Variants in OR2L13 observed in about 807,000 individuals in gnomAD.
The protein encoded by OR2L13 is olfactory receptor family 2 subfamily L member 13, also known as olfactory receptor 2L13.
In OR2L13, 14 loss-of-function variants were observed where a neutral mutation model predicts 15.3. That is an observed-to-expected ratio of 0.91 (90% CI 0.60 to 1.43). The LOEUF (loss-of-function observed/expected upper bound fraction) is 1.43. OR2L13 is among the 40% of genes most tolerant of loss of function. The pLI, the probability that OR2L13 is intolerant of heterozygous loss-of-function variation, is 0.00. For missense variants in OR2L13, 367 were observed against 387.9 expected, an observed-to-expected ratio of 0.95 and a Z score of 0.45; for synonymous variants, 152 against 142.9, an observed-to-expected ratio of 1.06 and a Z score of -0.45.
chr1:247,968,335 AT>A, the OR2L13 span, among the ~76,000 whole-genome samples: 8 of 151,932 alleles, frequency 5.3e-5, no homozygotes, highest in African/African-American at 1.9e-4. Flanking sequence ...GGGACAAGAC[AT>A]TTTTATTTAT....
At chr1:248,008,039 C>T in the OR2L13 span, among the ~76,000 whole-genome samples, 1 of 152,060 alleles carries the variant, frequency 6.6e-6, no homozygotes. Flanking sequence ...AAAAGGTTAC[C>T]TAAGCTGTCT....
the OR2L13 span, among the ~76,000 whole-genome samples, chr1:247,979,512 T>C: frequency 6.6e-6 from 1 of 151,630 alleles, no homozygotes; most frequent in Admixed American, 6.5e-5. Context: ...TATAGCTGTA[T>C]AGTATTTCAT....
intron 1 of OR2L13, among the ~76,000 whole-genome samples, chr1:248,098,313 C>G (rs1357264460): frequency 6.6e-6 from 1 of 152,170 alleles, no homozygotes; most frequent in Non-Finnish European, 1.5e-5. Flanking sequence ...AACATAAATT[C>G]AGTGAACACT....
chr1:248,025,777 G>T, the OR2L13 span, among the ~76,000 whole-genome samples: 106 of 151,826 alleles, frequency 7.0e-4, 1 homozygote, highest in Middle Eastern at 0.014. Context: ...CCATAAAAAA[G>T]GATGAGTTCA....
chr1:248,009,710 C>T, the OR2L13 span, among the ~76,000 whole-genome samples: 1 of 152,024 alleles, frequency 6.6e-6, no homozygotes, highest in East Asian at 1.9e-4. Context: ...AGAGACAAAA[C>T]AGAAAAAGAA....
chr1:247,966,021 G>T, the OR2L13 span: 4 of 1,613,708 alleles, frequency 2.5e-6, no homozygotes, highest in Non-Finnish European at 3.4e-6. Context: ...TAGCCATTCT[G>T]GCTTCCTATG....
the OR2L13 span, chr1:247,974,952 A>G: frequency 3.4e-6 from 1 of 290,764 alleles, no homozygotes; most frequent in Admixed American, 3.7e-5. Flanking sequence ...CATTGACCTA[A>G]ATTACATCTC....
the OR2L13 span, among the ~76,000 whole-genome samples, chr1:248,063,793 CGTGTGTGTGT>C: frequency 6.8e-6 from 1 of 146,528 alleles, no homozygotes; most frequent in African/African-American, 2.6e-5. Flanking sequence ...AAGATGTGTG[CGTGTGTGTGT>C]GTGTGTGTGT....
the OR2L13 span, among the ~76,000 whole-genome samples, chr1:247,997,907 G>A: frequency 3.9e-5 from 6 of 152,058 alleles, no homozygotes; most frequent in Non-Finnish European, 7.4e-5. Flanking sequence ...GATTGCTACT[G>A]AATTCCCATG....
chr1:248,003,079 T>G, the OR2L13 span: 2 of 907,726 alleles, frequency 2.2e-6, no homozygotes, highest in Non-Finnish European at 3.6e-6. Context: ...AGGATGAATT[T>G]CTGTCTTAAC....
the OR2L13 span, among the ~76,000 whole-genome samples, chr1:248,081,601 A>T: frequency 6.6e-6 from 1 of 152,180 alleles, no homozygotes; most frequent in African/African-American, 2.4e-5. Context: ...TCATTCTAAG[A>T]GAAGATTTTT....
chr1:248,087,339 C>T, the OR2L13 span, among the ~76,000 whole-genome samples: 1 of 152,172 alleles, frequency 6.6e-6, no homozygotes, highest in African/African-American at 2.4e-5. Context: ...GACAGGACAA[C>T]ATTTAATTTG....
chr1:248,081,385 G>T, the OR2L13 span, among the ~76,000 whole-genome samples: 1 of 151,916 alleles, frequency 6.6e-6, no homozygotes, highest in African/African-American at 2.4e-5. Flanking sequence ...AGTTCATTCC[G>T]TTTTTGTTGT....
At chr1:248,015,994 G>T in the OR2L13 span, among the ~76,000 whole-genome samples, 4 of 152,024 alleles carry the variant, frequency 2.6e-5, no homozygotes, top group Non-Finnish European at 5.9e-5. Flanking sequence ...TCTATCACTA[G>T]GTCTCTGTAC....
chr1:248,057,857 T>A, the OR2L13 span, among the ~76,000 whole-genome samples: 1 of 152,242 alleles, frequency 6.6e-6, no homozygotes, highest in Non-Finnish European at 1.5e-5. Flanking sequence ...GTAATTTTGC[T>A]AATTTTATTT....
At chr1:248,005,477 C>A in the OR2L13 span, among the ~76,000 whole-genome samples, 1 of 152,006 alleles carries the variant, frequency 6.6e-6, no homozygotes, top group Non-Finnish European at 1.5e-5. Flanking sequence ...AAGTTTGGTA[C>A]TTTTATGCCT....
the OR2L13 span, among the ~76,000 whole-genome samples, chr1:248,055,496 C>G: frequency 6.6e-6 from 1 of 152,250 alleles, no homozygotes; most frequent in South Asian, 2.1e-4. Context: ...TGACTCATGC[C>G]TGTAATCCCA....
chr1:247,967,939 TTTC>T, the OR2L13 span, among the ~76,000 whole-genome samples: 5 of 152,028 alleles, frequency 3.3e-5, no homozygotes, highest in African/African-American at 7.2e-5. Flanking sequence ...TTCTTCTTTC[TTTC>T]TTCTTTTTCT....
the OR2L13 span, chr1:248,038,600 G>A: frequency 6.2e-7 from 1 of 1,614,128 alleles, no homozygotes. Flanking sequence ...TTGCAGAAGG[G>A]CTGCTCCTGA....
Sources: allele counts gnomAD v4.1 joint callset (sites outside exome capture counted in the v4.1 genomes callset), GRCh38; gene constraint gnomAD v4.1.1; transcripts MANE v1.5; gene names NCBI Gene and HGNC (gene_info 2026-07-23, HGNC 2026-07-21).